Variants in PIWIL2 observed in about 807,000 individuals in gnomAD.
PIWIL2 encodes the protein piwi like RNA-mediated gene silencing 2.
Under a neutral mutation model 116.5 loss-of-function variants are expected in PIWIL2, and 81 were observed. The observed-to-expected ratio is 0.70, with a 90% CI of 0.58 to 0.84. The LOEUF (loss-of-function observed/expected upper bound fraction) is 0.84, where lower values mean the gene tolerates loss of function less well. Among genes scored for constraint, PIWIL2 ranks in the 40% least tolerant of loss-of-function variants. The pLI, the probability that PIWIL2 is intolerant of heterozygous loss-of-function variation, is 0.00. For missense variants in PIWIL2, 1,272 were observed against 1,212.3 expected (o/e 1.05, Z -0.73); for synonymous variants, 489 against 429.5 (o/e 1.14, Z -1.71).
At chr8:22,313,532 G>A (rs532016535) in intron 16 of PIWIL2, among the ~76,000 whole-genome samples, 1 of 152,338 alleles carries the variant, frequency 6.6e-6, no homozygotes, top group East Asian at 1.9e-4. Context: ...CCAGTGCGCA[G>A]CTCTGTTCTC....
chr8:22,290,075 T>C (rs535340561), intron 9 of PIWIL2, 148 bp downstream of exon 9: 1 of 739,958 alleles, frequency 1.4e-6, no homozygotes, highest in African/African-American at 1.8e-5. Flanking sequence ...GTTTGGTTTT[T>C]CAGTAAGTTT....
At chr8:22,308,255 C>T (rs768743842) in intron 14 of PIWIL2, among the ~76,000 whole-genome samples, 182 bp downstream of exon 14, 9 of 148,420 alleles carry the variant, frequency 6.1e-5, no homozygotes, top group Non-Finnish European at 1.0e-4. Context: ...AACCTCTGTG[C>T]GTGGTCATAT....
intron 17 of PIWIL2, among the ~76,000 whole-genome samples, chr8:22,314,804 T>G (rs1245296793): frequency 6.6e-6 from 1 of 152,102 alleles, no homozygotes; most frequent in African/African-American, 2.4e-5. Context: ...TTGGTTTTAT[T>G]TTGTTTTGGG....
intron 20 of PIWIL2, among the ~76,000 whole-genome samples, chr8:22,322,236 A>G (rs180985774): frequency 1.0e-3 from 159 of 151,656 alleles, no homozygotes; most frequent in Admixed American, 2.6e-3. Context: ...CTTTTCCTTG[A>G]TGAATACATG....
At chr8:22,314,749 A>G (rs1831414678) in intron 17 of PIWIL2, among the ~76,000 whole-genome samples, 1 of 152,158 alleles carries the variant, frequency 6.6e-6, no homozygotes, top group African/African-American at 2.4e-5. Context: ...GGGAGTTAAA[A>G]AAGCATTCCA....
rs532573267 is a variant in PIWIL2 at position 22,344,038 on chromosome 8, A to T, written c.2404-8921A>T. 2.0e-5 allele frequency among the ~76,000 whole-genome samples: 3 copies of T among 152,336 alleles called. No homozygotes were observed. In the South Asian group the frequency reaches 6.2e-4, roughly 32 times the overall value. ...CTGTCATGCATCCAGACAATGGAATATTGTGTTAAAAGAAATAAGCCATTA... is the reference window on the plus strand; with the variant it reads ...CTGTCATGCATCCAGACAATGGAATTTTGTGTTAAAAGAAATAAGCCATTA... On this transcript the variant is annotated intron_variant, in intron 20 of 22. Transcript: ENST00000356766.
intron 20 of PIWIL2, among the ~76,000 whole-genome samples, chr8:22,352,241 G>A (rs558217759): frequency 1.3e-5 from 2 of 152,336 alleles, no homozygotes. Flanking sequence ...CACCGTGCCT[G>A]GCCCTTCTTG....
Position 22,277,058 on chromosome 8 carries a change from G to T in PIWIL2, c.-47+1660G>T, listed in dbSNP as rs1830393401. On this transcript the variant is annotated intron_variant, in intron 1 of 22. Coordinates refer to ENST00000356766, the MANE Select transcript of PIWIL2 (RefSeq NM_018068.5). ...ATTTTTTTTTTTGAGACAGAATCTT[G>T]TGCTGTCACCCAGGCTGGAGTGCCA... 2.7e-5 allele frequency among the ~76,000 whole-genome samples: 4 copies of T among 150,048 alleles called. No homozygotes were observed. In the South Asian group the frequency reaches 6.3e-4, roughly 24 times the overall value.
chr8:22,305,974 C>T lies in PIWIL2; in HGVS notation c.1503C>T (p.Thr501=), dbSNP rs145035391. Residue 501 remains threonine (T), a synonymous_variant, in exon 13 of 23, where the codon ACC becomes ACT. Transcript: ENST00000356766. The part of the protein sequence containing the change: ...ILLLPELSFM[T]GIPEKMKKDF... ...TGCTGCCTGAGCTTTCTTTTATGAC[C>T]GGAATCCCAGAGAAGATGAAGAAGG... The T allele has an allele frequency of 1.7e-5, 28 of 1,613,936 alleles. No individual in the cohort carries two copies. In the Admixed American group the frequency reaches 2.2e-4, roughly 12 times the overall value.
At chr8:22,307,473 A>AATTTTTTTTTTTT (rs1563379262) in intron 13 of PIWIL2, among the ~76,000 whole-genome samples, 1 of 111,258 alleles carries the variant, frequency 9.0e-6, no homozygotes, top group Non-Finnish European at 1.7e-5. Context: ...TTTATTATTC[A>AATTTTTTTTTTTT]TTTTTTTTTT....
At position 22,284,070 on chromosome 8, in the gene PIWIL2, C is replaced by G. The variant is rs1192437792; in HGVS notation, c.633-92C>G. On this transcript the variant is annotated intron_variant, in intron 5 of 22. Coordinates refer to ENST00000356766, the MANE Select transcript of PIWIL2 (RefSeq NM_018068.5). Reference sequence around the variant, plus strand: ...AAAATGTGAAAAAATGTTACTTCCCCCAATCTTCTTGTTGTTGGTTGTGTG... The same window carrying G: ...AAAATGTGAAAAAATGTTACTTCCCGCAATCTTCTTGTTGTTGGTTGTGTG... 4 of 624,556 alleles carry G rather than the reference C, an allele frequency of 6.4e-6. No individual in the cohort carries two copies. The African/African-American group carries it at 7.5e-5, about 12-fold the overall frequency. 38.7% of individuals were successfully genotyped at this position (624,556 alleles called of 1,614,324 possible).
chr8:22,336,107 C>A (rs749757328), intron 20 of PIWIL2, among the ~76,000 whole-genome samples: 3 of 152,100 alleles, frequency 2.0e-5, no homozygotes, highest in Non-Finnish European at 4.4e-5. Flanking sequence ...GTAAGATCAA[C>A]AAGGAAATGG....
At chr8:22,322,280 T>TCAA (rs1831616781) in intron 20 of PIWIL2, among the ~76,000 whole-genome samples, 1 of 151,628 alleles carries the variant, frequency 6.6e-6, no homozygotes, top group Non-Finnish European at 1.5e-5. Context: ...TGAGACAGGG[T>TCAA]TGCTCTGTTG....
intron 20 of PIWIL2, among the ~76,000 whole-genome samples, chr8:22,351,537 T>G (rs1392733940): frequency 7.2e-5 from 9 of 124,650 alleles, no homozygotes; most frequent in Admixed American, 1.7e-4. Flanking sequence ...TTTTTTTTTG[T>G]TTTTTTGTTT....
chr8:22,279,622 C>G, intron 2 of PIWIL2, 38 bp downstream of exon 2: 1 of 1,545,850 alleles, frequency 6.5e-7, no homozygotes, highest in Non-Finnish European at 8.9e-7. Context: ...TGGCATACAG[C>G]TTACCTGTGT....
chr8:22,306,124 A>C (rs1279773997), intron 13 of PIWIL2, 108 bp downstream of exon 13: 3 of 747,858 alleles, frequency 4.0e-6, no homozygotes, highest in Non-Finnish European at 7.1e-6. Flanking sequence ...GTTGGCTTGC[A>C]TTGTAACCTG....
At chr8:22,337,997 G>A (rs1331915957) in intron 20 of PIWIL2, among the ~76,000 whole-genome samples, 1 of 152,082 alleles carries the variant, frequency 6.6e-6, no homozygotes, top group African/African-American at 2.4e-5. Flanking sequence ...GGGAGGCTGA[G>A]GAAGGAGAAT....
At chr8:22,299,778 G>A (rs2132021691) in intron 10 of PIWIL2, among the ~76,000 whole-genome samples, 1 of 152,208 alleles carries the variant, frequency 6.6e-6, no homozygotes, top group Middle Eastern at 3.4e-3. Flanking sequence ...AATGTTCTCA[G>A]GTCTCTCTGA....
intron 10 of PIWIL2, among the ~76,000 whole-genome samples, chr8:22,302,554 G>A (rs1241672550): frequency 6.6e-6 from 1 of 151,992 alleles, no homozygotes; most frequent in Non-Finnish European, 1.5e-5. Flanking sequence ...GTGGCGTGCG[G>A]CTGCTGATGT....
Sources: gnomAD v4.1 joint callset for allele counts (sites outside exome capture counted in the v4.1 genomes callset) on GRCh38, gnomAD v4.1.1 for gene constraint, MANE v1.5 for transcripts, NCBI Gene and HGNC (gene_info 2026-07-23, HGNC 2026-07-21) for gene names.